The following GRIK1 variants were observed in gnomAD, a reference collection of about 807,000 sequenced individuals.
GRIK1 encodes the protein glutamate ionotropic receptor kainate type subunit 1.
Under a neutral mutation model 105.7 loss-of-function variants are expected in GRIK1, and 69 were observed. That is an observed-to-expected ratio of 0.65 (90% CI 0.54 to 0.80). The LOEUF (loss-of-function observed/expected upper bound fraction) is 0.80. Among genes scored for constraint, GRIK1 ranks in the 30% least tolerant of loss-of-function variants. The pLI is 0.00. For missense variants in GRIK1, 1,109 were observed against 1,167.3 expected (o/e 0.95, Z 0.73); for synonymous variants, 438 against 431.3 (o/e 1.02, Z -0.19).
intron 1 of GRIK1, among the ~76,000 whole-genome samples, chr21:29,784,522 A>T (rs1262088919): frequency 2.6e-5 from 4 of 152,176 alleles, no homozygotes; most frequent in Non-Finnish European, 5.9e-5. Flanking sequence ...TTTTTAAAAA[A>T]ATATCACATT....
At chr21:29,590,444 C>T (rs935673753) in intron 10 of GRIK1, among the ~76,000 whole-genome samples, 2 of 152,052 alleles carry the variant, frequency 1.3e-5, no homozygotes, top group Admixed American at 1.3e-4. Flanking sequence ...TGGGGCATGA[C>T]CAGGGCACTA....
At chr21:29,814,120 ATT>A (rs113925095) in intron 1 of GRIK1, among the ~76,000 whole-genome samples, 1 of 141,012 alleles carries the variant, frequency 7.1e-6, no homozygotes. Context: ...AATAATTATT[ATT>A]TTTTTTTTTG....
At chr21:29,749,663 G>A (rs1048538223) in intron 1 of GRIK1, among the ~76,000 whole-genome samples, 5 of 152,174 alleles carry the variant, frequency 3.3e-5, no homozygotes, top group East Asian at 3.8e-4. Flanking sequence ...GCATTTGACC[G>A]AGGATTATTT....
chr21:29,673,177 A>G lies in GRIK1; in HGVS notation c.545-13T>C. The G allele has an allele frequency of 6.5e-7, 1 of 1,535,484 alleles. No homozygotes were observed. The highest frequency in any genetic ancestry group is 9.0e-7 in the Non-Finnish European group (1 of 1,110,404). On this transcript the variant is annotated splice_polypyrimidine_tract_variant and intron_variant, in intron 3 of 17. Coordinates refer to ENST00000327783, the MANE Select transcript of GRIK1 (RefSeq NM_001330994.2). ...AGACGAATTAGACCTAGAAAATGAC[A>G]TGCAATCATGCAATGGAGACTGTTC...
At chr21:29,899,916 A>G (rs553513541) in intron 1 of GRIK1, among the ~76,000 whole-genome samples, 1 of 152,116 alleles carries the variant, frequency 6.6e-6, no homozygotes, top group Non-Finnish European at 1.5e-5. Context: ...ACAAAAACAC[A>G]CTGATTCCTT....
chr21:29,840,858 T>C (rs1015539490), intron 1 of GRIK1, among the ~76,000 whole-genome samples: 1 of 151,964 alleles, frequency 6.6e-6, no homozygotes, highest in African/African-American at 2.4e-5. Flanking sequence ...ATAGACACAA[T>C]TTTACAAAAT....
intron 7 of GRIK1, among the ~76,000 whole-genome samples, chr21:29,620,826 ATATAT>A (rs1056841843): frequency 6.7e-4 from 61 of 91,630 alleles, no homozygotes; most frequent in Admixed American, 2.5e-3. Context: ...TATAGTAATA[ATATAT>A]TATAGTCATA....
chr21:29,757,295 C>T (rs1419750908), intron 1 of GRIK1, among the ~76,000 whole-genome samples: 2 of 152,120 alleles, frequency 1.3e-5, no homozygotes, highest in African/African-American at 4.8e-5. Context: ...GCAGACAAAG[C>T]AGGAGCTCCA....
chr21:29,606,676 A>G, intron 7 of GRIK1, among the ~76,000 whole-genome samples: 1 of 150,956 alleles, frequency 6.6e-6, no homozygotes, highest in Non-Finnish European at 1.5e-5. Flanking sequence ...AAAACAAAAC[A>G]AAACAAAACA....
chr21:29,631,214 T>C (rs572936518), intron 7 of GRIK1, among the ~76,000 whole-genome samples: 3 of 152,278 alleles, frequency 2.0e-5, no homozygotes, highest in African/African-American at 4.8e-5. Flanking sequence ...TCAAGCTGGG[T>C]TGTTGTTACA....
At chr21:29,561,489 T>C (rs2146175471) in intron 15 of GRIK1, 135 bp downstream of exon 15, 1 of 629,434 alleles carries the variant, frequency 1.6e-6, no homozygotes, top group East Asian at 2.7e-5. Context: ...TCTATATGGA[T>C]GTTTACATTA....
intron 7 of GRIK1, among the ~76,000 whole-genome samples, chr21:29,606,396 C>T (rs1214997109): frequency 3.3e-5 from 5 of 152,084 alleles, no homozygotes; most frequent in Non-Finnish European, 7.4e-5. Flanking sequence ...AGGTGTTAAG[C>T]CCCACATGCA....
Position 29,581,519 on chromosome 21 carries a change from G to A in GRIK1, c.1818C>T (p.Asn606=), listed in dbSNP as rs373734492. Residue 606 remains asparagine (N), a synonymous_variant, in exon 13 of 18, where the codon AAC becomes AAT. Transcript: ENST00000327783. ...IARFTPYEWY[N]PHPCNPDSDV... ...CTGAGTCAGGGTTGCATGGGTGGGG[G>A]TTATACCACTCGTAGGGTGTAAACC... is the stretch of plus-strand genomic sequence containing the variant. The A allele has an allele frequency of 4.1e-5, 66 of 1,604,742 alleles. No homozygotes were observed. Among genetic ancestry groups the A allele is most frequent in the Non-Finnish European group, 5.1e-5 (60 of 1,171,694 alleles).
intron 16 of GRIK1, among the ~76,000 whole-genome samples, chr21:29,541,535 G>GTATATATT (rs1400856002): frequency 7.1e-6 from 1 of 140,268 alleles, no homozygotes; most frequent in Non-Finnish European, 1.5e-5. Flanking sequence ...ATATACCATA[G>GTATATATT]TATATATTTT....
At chr21:29,630,750 T>TTTTTATTAA in intron 7 of GRIK1, 1 of 370,610 alleles carries the variant, frequency 2.7e-6, no homozygotes. Flanking sequence ...TTAACATCCC[T>TTTTTATTAA]AGTTTGTGTG....
chr21:29,686,497 T>C (rs1028918292), intron 3 of GRIK1, among the ~76,000 whole-genome samples: 3 of 152,246 alleles, frequency 2.0e-5, no homozygotes, highest in Non-Finnish European at 2.9e-5. Context: ...GTGTACAAAA[T>C]TACAATCTTA....
At chr21:29,850,296 A>G (rs1055366589) in intron 1 of GRIK1, among the ~76,000 whole-genome samples, 1 of 152,214 alleles carries the variant, frequency 6.6e-6, no homozygotes, top group Non-Finnish European at 1.5e-5. Context: ...ATAATTCAGC[A>G]GATGTAAATT....
At chr21:29,587,971 T>C (rs1386629565) in intron 11 of GRIK1, among the ~76,000 whole-genome samples, 2 of 108,524 alleles carry the variant, frequency 1.8e-5, no homozygotes, top group African/African-American at 8.1e-5. Context: ...ATTCTTTTTT[T>C]TTTTTTTTTT....
intron 8 of GRIK1, among the ~76,000 whole-genome samples, chr21:29,598,450 C>A (rs1294116363): frequency 6.6e-6 from 1 of 152,174 alleles, no homozygotes; most frequent in East Asian, 1.9e-4. Flanking sequence ...TTCTGGGTAA[C>A]CCTTGGATGC....
Sources: allele counts gnomAD v4.1 joint callset (sites outside exome capture counted in the v4.1 genomes callset), GRCh38; gene constraint gnomAD v4.1.1; transcripts MANE v1.5; gene names NCBI Gene and HGNC (gene_info 2026-07-23, HGNC 2026-07-21).